HMBOX1: variants seen among roughly 807,000 people sequenced by gnomAD.
HMBOX1 encodes homeobox containing 1, also known as homeobox-containing protein 1.
Under a neutral mutation model 54.5 loss-of-function variants are expected in HMBOX1, and 14 were observed. That is an observed-to-expected ratio of 0.26 (90% CI 0.17 to 0.40). The LOEUF is 0.40. Among genes scored for constraint, HMBOX1 ranks in the 10% least tolerant of loss-of-function variants. The pLI, the probability that HMBOX1 is intolerant of heterozygous loss-of-function variation, is 1.00. For missense variants in HMBOX1, 332 were observed against 514.4 expected (o/e 0.65, Z 3.43); for synonymous variants, 160 against 181.0 (o/e 0.88, Z 0.93).
At chr8:28,896,938 C>T (rs1024510169) in intron 1 of HMBOX1, among the ~76,000 whole-genome samples, 4 of 149,750 alleles carry the variant, frequency 2.7e-5, no homozygotes, top group Non-Finnish European at 5.9e-5. Flanking sequence ...GCAAACATAC[C>T]AATTTTTTTT....
intron 4 of HMBOX1, among the ~76,000 whole-genome samples, chr8:28,995,703 T>C (rs574807963): frequency 3.9e-5 from 6 of 152,372 alleles, no homozygotes; most frequent in African/African-American, 1.4e-4. Context: ...TAGTTTTGAT[T>C]TGCTGTAGTT....
intron 1 of HMBOX1, among the ~76,000 whole-genome samples, chr8:28,900,371 G>T (rs1281228183): frequency 1.3e-5 from 2 of 149,890 alleles, no homozygotes; most frequent in Non-Finnish European, 3.0e-5. Flanking sequence ...AGTATATCAG[G>T]TAATTCTAAT....
intron 8 of HMBOX1, 79 bp from the exon 9 acceptor site, chr8:29,048,875 A>G (rs1806006897): frequency 2.2e-6 from 2 of 905,886 alleles, no homozygotes; most frequent in Admixed American, 2.2e-5. Context: ...TAATTTCCTT[A>G]GCACAAAAAT....
intron 2 of HMBOX1, among the ~76,000 whole-genome samples, chr8:28,966,117 A>T (rs1586148823): frequency 2.6e-5 from 4 of 152,296 alleles, no homozygotes; most frequent in Admixed American, 2.6e-4. Context: ...ATTATTTGTG[A>T]ATGCTTTAAT....
intron 5 of HMBOX1, chr8:29,010,082 A>G (rs1452597423): frequency 2.5e-5 from 25 of 983,152 alleles, no homozygotes; most frequent in Non-Finnish European, 2.9e-5. Flanking sequence ...TTTTTTCCCT[A>G]AAGGTCAGTT....
intron 4 of HMBOX1, among the ~76,000 whole-genome samples, chr8:28,983,483 A>G (rs976029908): frequency 2.0e-5 from 3 of 152,162 alleles, no homozygotes; most frequent in Non-Finnish European, 4.4e-5. Flanking sequence ...TTCTTGACCA[A>G]TTTAGTCCTT....
At chr8:28,925,002 C>A (rs11784622) in intron 1 of HMBOX1, among the ~76,000 whole-genome samples, 1 of 149,216 alleles carries the variant, frequency 6.7e-6, no homozygotes, top group Non-Finnish European at 1.5e-5. Flanking sequence ...GTTATCTTTC[C>A]TATTAGTGAT....
At chr8:28,915,810 C>G (rs1014535898) in intron 1 of HMBOX1, 1 of 152,004 alleles carries the variant, frequency 6.6e-6, no homozygotes, top group Non-Finnish European at 1.5e-5. Flanking sequence ...AAGTGATCCT[C>G]TTGTCTCAGC....
chr8:28,964,800 G>A (rs568565913), intron 2 of HMBOX1, among the ~76,000 whole-genome samples: 12 of 131,160 alleles, frequency 9.1e-5, no homozygotes, highest in South Asian at 2.6e-4. Context: ...ACTGTAGCCC[G>A]ACTTTCTGCT....
intron 6 of HMBOX1, among the ~76,000 whole-genome samples, chr8:29,022,614 C>G (rs1168270922): frequency 6.6e-6 from 1 of 152,044 alleles, no homozygotes; most frequent in Non-Finnish European, 1.5e-5. Flanking sequence ...GAACAAAAAA[C>G]TCTGTATACA....
At chr8:29,042,601 A>G in intron 6 of HMBOX1, 1 of 454,636 alleles carries the variant, frequency 2.2e-6, no homozygotes, top group South Asian at 1.6e-5. Context: ...TGGATTTATT[A>G]AAAAAACCAA....
chr8:29,024,083 G>C (rs1801638331), intron 6 of HMBOX1, among the ~76,000 whole-genome samples: 1 of 152,168 alleles, frequency 6.6e-6, no homozygotes, highest in South Asian at 2.1e-4. Flanking sequence ...GAATTCTTCT[G>C]TAAAGAACTT....
At chr8:29,047,986 C>T (rs915928386) in intron 8 of HMBOX1, among the ~76,000 whole-genome samples, 2 of 152,126 alleles carry the variant, frequency 1.3e-5, no homozygotes, top group Non-Finnish European at 2.9e-5. Context: ...ATTTATAAAA[C>T]TCATTCTTCT....
chr8:28,991,656 A>G (rs984926280), intron 4 of HMBOX1, among the ~76,000 whole-genome samples: 3 of 152,234 alleles, frequency 2.0e-5, no homozygotes, highest in African/African-American at 7.2e-5. Context: ...TTTAAGGACT[A>G]GAATATGCTA....
intron 2 of HMBOX1, among the ~76,000 whole-genome samples, chr8:28,969,536 C>CT (rs930866244): frequency 2.5e-5 from 3 of 121,590 alleles, no homozygotes; most frequent in African/African-American, 7.6e-5. Flanking sequence ...TTGGACTTAG[C>CT]TTAGCAAATC....
At chr8:29,045,005 TC>T (rs146791953) in intron 6 of HMBOX1, among the ~76,000 whole-genome samples, 5,712 of 152,332 alleles carry the variant, frequency 0.037, 156 homozygotes, top group Non-Finnish European at 0.059. Flanking sequence ...AAAAATAACT[TC>T]CATATCAATG....
chr8:28,894,216 G>A (rs1288166132), intron 1 of HMBOX1, among the ~76,000 whole-genome samples: 2 of 152,128 alleles, frequency 1.3e-5, no homozygotes, highest in Non-Finnish European at 2.9e-5. Flanking sequence ...TTAAAGCATT[G>A]TTGTGAGTGA....
At chr8:28,969,007 C>T (rs1826928440) in intron 2 of HMBOX1, among the ~76,000 whole-genome samples, 1 of 152,126 alleles carries the variant, frequency 6.6e-6, no homozygotes, top group Admixed American at 6.6e-5. Context: ...AACCCCATCT[C>T]TACTAAAAAT....
intron 3 of HMBOX1, among the ~76,000 whole-genome samples, chr8:28,977,531 C>T (rs116541334): frequency 1.7e-3 from 253 of 152,318 alleles, no homozygotes; most frequent in African/African-American, 5.5e-3. Flanking sequence ...TTTTGTTCTA[C>T]ATTACCTGCA....
Sources: gnomAD v4.1 joint callset for allele counts (sites outside exome capture counted in the v4.1 genomes callset) on GRCh38, gnomAD v4.1.1 for gene constraint, MANE v1.5 for transcripts, NCBI Gene and HGNC (gene_info 2026-07-23, HGNC 2026-07-21) for gene names.